The following CATSPERB variants were observed in gnomAD, a reference collection of about 807,000 sequenced individuals.
CATSPERB encodes the protein cation channel sperm-associated auxiliary subunit beta.
In CATSPERB, 93 loss-of-function variants were observed where a neutral mutation model predicts 128.3. The ratio of observed to expected loss-of-function variants is 0.72; its 90% CI spans 0.61 to 0.86. The LOEUF (loss-of-function observed/expected upper bound fraction) is 0.86. Among genes scored for constraint, CATSPERB ranks in the 40% least tolerant of loss-of-function variants. The pLI, the probability that CATSPERB is intolerant of heterozygous loss-of-function variation, is 0.00. For missense variants in CATSPERB, 1,153 were observed against 1,329.5 expected (o/e 0.87, Z 2.06); for synonymous variants, 381 against 448.8 (o/e 0.85, Z 1.91).
At position 91,695,442 on chromosome 14, in the gene CATSPERB, G is replaced by T. The variant is rs111373578; in HGVS notation, c.617-1963C>A. On this transcript the variant is annotated intron_variant, in intron 7 of 26. Coordinates refer to ENST00000256343, the MANE Select transcript of CATSPERB (RefSeq NM_024764.4). ...CACCACCCAGCCTAACGGTGGGATA[G>T]TTTAAGTGGGAATAATTATAGATGT... Among the ~76,000 whole-genome samples, 689 of 152,194 alleles carry T rather than the reference G, an allele frequency of 4.5e-3. 9 individuals are homozygous for T. Among genetic ancestry groups the T allele is most frequent in the African/African-American group, 0.016 (644 of 41,536 alleles).
chr14:91,594,914 A>G (rs1024802287), intron 22 of CATSPERB, among the ~76,000 whole-genome samples: 3 of 152,210 alleles, frequency 2.0e-5, no homozygotes, highest in Admixed American at 6.5e-5. Context: ...GGGTTTTAAG[A>G]AAGCACAGCT....
intron 17 of CATSPERB, among the ~76,000 whole-genome samples, chr14:91,634,927 T>C (rs1423525257): frequency 6.6e-6 from 1 of 151,792 alleles, no homozygotes; most frequent in Admixed American, 6.6e-5. Context: ...AGGTAGCCTA[T>C]AAACAGCAGA....
intron 1 of CATSPERB, among the ~76,000 whole-genome samples, chr14:91,731,507 T>A (rs956892393): frequency 2.6e-5 from 4 of 152,210 alleles, no homozygotes; most frequent in African/African-American, 7.2e-5. Flanking sequence ...AAAATGGGGA[T>A]AACAGGCACT....
intron 5 of CATSPERB, chr14:91,710,355 G>C (rs1361493367): frequency 6.6e-6 from 1 of 152,148 alleles, no homozygotes; most frequent in Non-Finnish European, 1.5e-5. Context: ...TAGCCCATAA[G>C]AGTTGTCCCT....
intron 11 of CATSPERB, among the ~76,000 whole-genome samples, chr14:91,680,811 C>A (rs950045125): frequency 2.6e-5 from 4 of 152,180 alleles, no homozygotes; most frequent in Admixed American, 1.3e-4. Flanking sequence ...ACCAACTGAA[C>A]AAACCCTCCC....
chr14:91,655,589 A>G (rs1415313997), intron 15 of CATSPERB, among the ~76,000 whole-genome samples: 1 of 152,230 alleles, frequency 6.6e-6, no homozygotes, highest in Non-Finnish European at 1.5e-5. Context: ...TTGATAAAGC[A>G]GAATAAAGAA....
intron 15 of CATSPERB, 119 bp from the exon 16 acceptor site, chr14:91,639,369 A>C: frequency 1.3e-6 from 1 of 775,538 alleles, no homozygotes; most frequent in Admixed American, 3.0e-5. Flanking sequence ...GGGCCCTGAG[A>C]CTCCTGAATT....
At position 91,636,406 on chromosome 14, in the gene CATSPERB, A is replaced by T; in HGVS notation, c.1742+19T>A. 2 of 1,607,864 alleles carry T rather than the reference A, an allele frequency of 1.2e-6. No homozygotes were observed. Among genetic ancestry groups the T allele is most frequent in the Non-Finnish European group, 1.7e-6 (2 of 1,176,100 alleles). On this transcript the variant is annotated intron_variant, in intron 17 of 26. Transcript: ENST00000256343. ...ATTCTAGAAACCAATATGCCATCTAAATAAATGCATATCACTACCCAGAGT... is the reference window on the plus strand; with the variant it reads ...ATTCTAGAAACCAATATGCCATCTATATAAATGCATATCACTACCCAGAGT...
At chr14:91,594,695 G>T (rs536779231) in intron 22 of CATSPERB, among the ~76,000 whole-genome samples, 122 of 152,180 alleles carry the variant, frequency 8.0e-4, no homozygotes, top group African/African-American at 2.8e-3. Context: ...TTAGCAGGTT[G>T]TGAAACCTCA....
At position 91,670,247 on chromosome 14, in the gene CATSPERB, T is replaced by C. The variant is rs377687616; in HGVS notation, c.1129-275A>G. Among the ~76,000 whole-genome samples, 28 of 152,336 alleles carry C rather than the reference T, an allele frequency of 1.8e-4. No homozygotes were observed. In the South Asian group the frequency reaches 5.6e-3, roughly 30 times the overall value. On this transcript the variant is annotated intron_variant, in intron 13 of 26. Coordinates refer to ENST00000256343, the MANE Select transcript of CATSPERB (RefSeq NM_024764.4). ...GAGAGGTTTATTATAGAATCACTGC[T>C]GAACTTGCCAGACAGACTCCAAAGC...
At chr14:91,614,040 T>C (rs1743149) in intron 20 of CATSPERB, among the ~76,000 whole-genome samples, 138,833 of 152,216 alleles carry the variant, frequency 0.91, 63,346 homozygotes, top group East Asian at 0.97. Flanking sequence ...CAGCTCTGAG[T>C]GTATTGTTGC....
chr14:91,694,789 C>A (rs151197476), intron 7 of CATSPERB, among the ~76,000 whole-genome samples: 157 of 152,262 alleles, frequency 1.0e-3, no homozygotes, highest in African/African-American at 3.6e-3. Context: ...CCCAACCCCA[C>A]CTTTTCTTGG....
At chr14:91,699,578 T>C (rs1595183986) in intron 7 of CATSPERB, among the ~76,000 whole-genome samples, 1 of 151,124 alleles carries the variant, frequency 6.6e-6, no homozygotes. Flanking sequence ...GAATTAACTT[T>C]TTTTTTTTTT....
At chr14:91,633,709 A>G (rs1894316902) in intron 17 of CATSPERB, among the ~76,000 whole-genome samples, 1 of 152,108 alleles carries the variant, frequency 6.6e-6, no homozygotes, top group Non-Finnish European at 1.5e-5. Context: ...TAAGCTCAAT[A>G]GATACACGAG....
chr14:91,657,905 T>A (rs1328898726), intron 15 of CATSPERB, among the ~76,000 whole-genome samples: 1 of 152,158 alleles, frequency 6.6e-6, no homozygotes, highest in Non-Finnish European at 1.5e-5. Flanking sequence ...AAGGGAACCC[T>A]TGTACACTGT....
chr14:91,645,893 T>G (rs1175902742), intron 15 of CATSPERB, among the ~76,000 whole-genome samples: 1 of 148,110 alleles, frequency 6.8e-6, no homozygotes, highest in Non-Finnish European at 1.5e-5. Context: ...GAGCCAGGTG[T>G]GGGATATAGT....
chr14:91,601,449 A>G, intron 22 of CATSPERB, among the ~76,000 whole-genome samples: 1 of 152,214 alleles, frequency 6.6e-6, no homozygotes, highest in East Asian at 1.9e-4. Context: ...TAAATTAAGA[A>G]GTGATCTTTA....
intron 7 of CATSPERB, among the ~76,000 whole-genome samples, chr14:91,694,498 C>G (rs1895526426): frequency 6.8e-6 from 1 of 147,590 alleles, no homozygotes; most frequent in African/African-American, 2.5e-5. Flanking sequence ...ATTCATAGAG[C>G]CCTATTCACT....
chr14:91,595,403 G>A (rs1285642), intron 22 of CATSPERB, among the ~76,000 whole-genome samples: 110,847 of 151,420 alleles, frequency 0.73, 41,000 homozygotes, highest in East Asian at 0.97. Flanking sequence ...TCCTGACCTC[G>A]TGGTCTGCCC....
Sources: gnomAD v4.1 joint callset for allele counts (sites outside exome capture counted in the v4.1 genomes callset) on GRCh38, gnomAD v4.1.1 for gene constraint, MANE v1.5 for transcripts, NCBI Gene and HGNC (gene_info 2026-07-23, HGNC 2026-07-21) for gene names.